ASTN2: variants seen among roughly 807,000 people sequenced by gnomAD.
ASTN2 encodes the protein astrotactin 2.
ASTN2 carries 54 observed loss-of-function variants against 139.8 expected under a neutral mutation model. That is an observed-to-expected ratio of 0.39 (90% CI 0.31 to 0.48). The LOEUF (loss-of-function observed/expected upper bound fraction) is 0.48. Ranked by LOEUF, ASTN2 falls within the 20% of genes least tolerant of loss-of-function variation. The pLI is 0.95. For synonymous variants in ASTN2, 756 were observed against 719.5 expected (o/e 1.05, Z -0.81); for missense variants, 1,565 against 1,725.1 (o/e 0.91, Z 1.64).
intron 19 of ASTN2, among the ~76,000 whole-genome samples, chr9:116,522,943 G>A (rs562449321): frequency 4.1e-4 from 62 of 152,152 alleles, no homozygotes; most frequent in African/African-American, 1.3e-3. Context: ...GAAATTCTAC[G>A]GCTATCATAC....
intron 17 of ASTN2, among the ~76,000 whole-genome samples, chr9:116,642,541 AC>A (rs1438701882): frequency 7.2e-5 from 11 of 151,920 alleles, no homozygotes. Context: ...TCATACATAT[AC>A]CCCCCATCTA....
chr9:116,648,832 G>T (rs750647215), intron 17 of ASTN2, among the ~76,000 whole-genome samples: 19 of 152,106 alleles, frequency 1.2e-4, no homozygotes, highest in Non-Finnish European at 2.4e-4. Context: ...TCAGAAGTTC[G>T]AGACCAGCCT....
At chr9:116,485,615 T>A (rs763813965) in intron 20 of ASTN2, among the ~76,000 whole-genome samples, 1 of 152,200 alleles carries the variant, frequency 6.6e-6, no homozygotes, top group African/African-American at 2.4e-5. Flanking sequence ...ATGAGGATGG[T>A]GGTCATTCTT....
intron 19 of ASTN2, among the ~76,000 whole-genome samples, chr9:116,530,143 AT>A (rs1851277090): frequency 2.9e-4 from 8 of 27,306 alleles, no homozygotes; most frequent in Non-Finnish European, 5.2e-4. Flanking sequence ...ATATATATAT[AT>A]ATATATAAAA....
At chr9:116,881,688 T>G (rs1225833042) in intron 10 of ASTN2, among the ~76,000 whole-genome samples, 1 of 152,206 alleles carries the variant, frequency 6.6e-6, no homozygotes, top group Non-Finnish European at 1.5e-5. Flanking sequence ...TAGTGGAAAG[T>G]GCAATTTCCC....
At chr9:116,919,073 G>A (rs1012031363) in intron 10 of ASTN2, among the ~76,000 whole-genome samples, 1 of 151,880 alleles carries the variant, frequency 6.6e-6, no homozygotes, top group Non-Finnish European at 1.5e-5. Flanking sequence ...CTGACAGTTG[G>A]GCTTCCCACA....
chr9:117,125,996 G>T (rs180946279), intron 4 of ASTN2, among the ~76,000 whole-genome samples: 2 of 149,566 alleles, frequency 1.3e-5, no homozygotes, highest in Admixed American at 6.6e-5. Flanking sequence ...CATCAAACCA[G>T]CATTTTTCCA....
intron 10 of ASTN2, among the ~76,000 whole-genome samples, chr9:116,967,004 C>T (rs1431618653): frequency 6.6e-6 from 1 of 152,214 alleles, no homozygotes; most frequent in Non-Finnish European, 1.5e-5. Context: ...ACATACTACC[C>T]ATGTGACATT....
intron 1 of ASTN2, among the ~76,000 whole-genome samples, chr9:117,346,416 A>G (rs1420564035): frequency 1.3e-5 from 2 of 152,174 alleles, no homozygotes; most frequent in African/African-American, 4.8e-5. Flanking sequence ...CATATACTCT[A>G]CTGAATTCTG....
chr9:116,738,866 G>T (rs915697833), intron 13 of ASTN2, among the ~76,000 whole-genome samples: 2 of 152,106 alleles, frequency 1.3e-5, no homozygotes, highest in African/African-American at 4.8e-5. Flanking sequence ...CTTGATCCCT[G>T]GCATAGCTTG....
At chr9:117,186,498 A>G (rs996173113) in intron 3 of ASTN2, among the ~76,000 whole-genome samples, 2 of 152,138 alleles carry the variant, frequency 1.3e-5, no homozygotes, top group East Asian at 1.9e-4. Context: ...TGTGAGCCGA[A>G]ATCACGCCAC....
intron 10 of ASTN2, among the ~76,000 whole-genome samples, chr9:116,872,676 C>T (rs963467444): frequency 3.3e-5 from 5 of 151,906 alleles, no homozygotes; most frequent in African/African-American, 1.2e-4. Context: ...TCAGAGAAGG[C>T]TTTTTGGAGG....
At chr9:116,465,917 C>T (rs534226552) in intron 20 of ASTN2, among the ~76,000 whole-genome samples, 1 of 152,260 alleles carries the variant, frequency 6.6e-6, no homozygotes, top group African/African-American at 2.4e-5. Flanking sequence ...TACTGACATG[C>T]AGTAATCCTG....
At chr9:117,101,804 T>C (rs1828984985) in intron 4 of ASTN2, among the ~76,000 whole-genome samples, 1 of 152,164 alleles carries the variant, frequency 6.6e-6, no homozygotes, top group South Asian at 2.1e-4. Flanking sequence ...CATTAGTCAA[T>C]AGAAAATGCA....
chr9:117,199,571 C>A (rs753026313), intron 3 of ASTN2, among the ~76,000 whole-genome samples: 8 of 151,966 alleles, frequency 5.3e-5, no homozygotes, highest in Admixed American at 1.3e-4. Flanking sequence ...ATGTCTCCAG[C>A]TTTGTTCTTT....
intron 19 of ASTN2, chr9:116,546,522 T>C (rs762242009): frequency 1.3e-5 from 2 of 152,142 alleles, no homozygotes; most frequent in Non-Finnish European, 2.9e-5. Flanking sequence ...AGTTAAGAGA[T>C]AGGCATGGGT....
chr9:117,366,913 T>A (rs1438729252), intron 1 of ASTN2, among the ~76,000 whole-genome samples: 1 of 152,130 alleles, frequency 6.6e-6, no homozygotes, highest in East Asian at 1.9e-4. Context: ...TAGCTGGGAC[T>A]ACAGGTGCAC....
intron 4 of ASTN2, among the ~76,000 whole-genome samples, chr9:117,108,569 C>T (rs1829167818): frequency 6.6e-6 from 1 of 151,986 alleles, no homozygotes; most frequent in Admixed American, 6.6e-5. Context: ...AGAGAGCTTA[C>T]ATTTAATTGG....
intron 10 of ASTN2, among the ~76,000 whole-genome samples, chr9:116,959,034 G>A (rs1473882519): frequency 6.6e-6 from 1 of 152,168 alleles, no homozygotes; most frequent in East Asian, 1.9e-4. Context: ...TGCCTGGAGA[G>A]AGGAAATGAC....
Sources: allele counts gnomAD v4.1 joint callset (sites outside exome capture counted in the v4.1 genomes callset), GRCh38; gene constraint gnomAD v4.1.1; transcripts MANE v1.5; gene names NCBI Gene and HGNC (gene_info 2026-07-23, HGNC 2026-07-21).